DNAJC3: variants seen among roughly 807,000 people sequenced by gnomAD.
DNAJC3 encodes the protein dnaJ homolog subfamily C member 3.
In DNAJC3, 38 loss-of-function variants were observed where a neutral mutation model predicts 68.6. That is an observed-to-expected ratio of 0.55 (90% CI 0.43 to 0.73). DNAJC3 has a LOEUF of 0.73. Ranked by LOEUF, DNAJC3 falls within the 30% of genes least tolerant of loss-of-function variation. DNAJC3 has a pLI of 0.00. For missense variants in DNAJC3, 526 were observed against 591.9 expected (o/e 0.89, Z 1.16); for synonymous variants, 203 against 204.0 (o/e 1.00, Z 0.04).
chr13:95,757,622 T>C (rs1373767311), intron 4 of DNAJC3, 22 bp from the exon 5 acceptor site: 1 of 1,530,532 alleles, frequency 6.5e-7, no homozygotes, highest in Non-Finnish European at 8.9e-7. Flanking sequence ...AAACTCTGCT[T>C]AGTTTTTTAT....
At chr13:95,678,060 C>A (rs1425114861) in intron 1 of DNAJC3, among the ~76,000 whole-genome samples, 32 of 152,212 alleles carry the variant, frequency 2.1e-4, no homozygotes, top group Admixed American at 2.1e-3. Context: ...AATTTCACTT[C>A]AGTCCTGCAG....
At chr13:95,697,602 T>C (rs1880476932) in intron 1 of DNAJC3, among the ~76,000 whole-genome samples, 1 of 152,184 alleles carries the variant, frequency 6.6e-6, no homozygotes, top group Non-Finnish European at 1.5e-5. Context: ...TCCTCAAATA[T>C]GTTTTTTTAA....
At chr13:95,694,522 C>G (rs1321223512) in intron 1 of DNAJC3, 1 of 152,486 alleles carries the variant, frequency 6.6e-6, no homozygotes, top group African/African-American at 2.4e-5. Context: ...GTAACCATGA[C>G]TAATGATAGG....
At chr13:95,695,237 A>G (rs1478079483) in intron 1 of DNAJC3, 1 of 152,096 alleles carries the variant, frequency 6.6e-6, no homozygotes, top group East Asian at 1.9e-4. Flanking sequence ...TTCCACCCTT[A>G]CTATACAACC....
At chr13:95,784,726 A>G (rs970398363) in intron 9 of DNAJC3, among the ~76,000 whole-genome samples, 3 of 152,226 alleles carry the variant, frequency 2.0e-5, no homozygotes. Context: ...CAACCTTGTC[A>G]GCAAACTTTT....
chr13:95,731,186 G>C (rs1004100543), intron 4 of DNAJC3, among the ~76,000 whole-genome samples: 3 of 152,088 alleles, frequency 2.0e-5, no homozygotes, highest in African/African-American at 7.2e-5. Flanking sequence ...AAATAGTTCT[G>C]AGAGTTTATT....
chr13:95,776,343 C>A (rs571019963), intron 9 of DNAJC3, among the ~76,000 whole-genome samples: 1 of 152,064 alleles, frequency 6.6e-6, no homozygotes, highest in East Asian at 1.9e-4. Flanking sequence ...TAGAAGTTTT[C>A]TTTTTTCAGT....
At chr13:95,769,031 AATCTAT>A (rs760312448) in intron 9 of DNAJC3, among the ~76,000 whole-genome samples, 5 of 105,284 alleles carry the variant, frequency 4.7e-5, no homozygotes, top group Non-Finnish European at 7.8e-5. Flanking sequence ...ATCTATATCT[AATCTAT>A]ATCTATATCT....
Position 95,677,897 on chromosome 13 carries a change from A to G in DNAJC3, c.82+560A>G, listed in dbSNP as rs558101825. The stretch of plus-strand genomic sequence containing the variant: ...GTAGAGAAATTGTTAGTTTGGTGCA[A>G]TGAGGAGCCGCTGTTGGAATTCCAT... On this transcript the variant is annotated intron_variant, in intron 1 of 11. Coordinates refer to ENST00000602402, the MANE Select transcript of DNAJC3 (RefSeq NM_006260.5). 2.0e-5 allele frequency among the ~76,000 whole-genome samples: 3 copies of G among 152,042 alleles called. No individual in the cohort carries two copies. The South Asian group carries it at 6.2e-4, about 32-fold the overall frequency.
chr13:95,684,676 C>A (rs1880024059), intron 1 of DNAJC3, among the ~76,000 whole-genome samples: 1 of 152,232 alleles, frequency 6.6e-6, no homozygotes, highest in Non-Finnish European at 1.5e-5. Flanking sequence ...CTCCTTCTAT[C>A]ATAGGCCCAG....
At chr13:95,732,800 T>C (rs1437596891) in intron 4 of DNAJC3, among the ~76,000 whole-genome samples, 1 of 152,094 alleles carries the variant, frequency 6.6e-6, no homozygotes, top group Non-Finnish European at 1.5e-5. Flanking sequence ...TATGTGTTTA[T>C]TGCTACAAAG....
intron 4 of DNAJC3, among the ~76,000 whole-genome samples, chr13:95,752,365 TAA>T (rs1346925569): frequency 6.6e-6 from 1 of 152,232 alleles, no homozygotes; most frequent in Middle Eastern, 3.2e-3. Context: ...ATTTTATTAT[TAA>T]GAGTAGTATT....
chr13:95,790,236 ACT>A (rs1883725694), intron 11 of DNAJC3, among the ~76,000 whole-genome samples: 1 of 151,900 alleles, frequency 6.6e-6, no homozygotes, highest in African/African-American at 2.4e-5. Context: ...TTTTCTAATG[ACT>A]CTGAGGACAT....
chr13:95,716,529 A>AATCAG (rs1308510379), intron 2 of DNAJC3, among the ~76,000 whole-genome samples: 1 of 152,204 alleles, frequency 6.6e-6, no homozygotes, highest in Non-Finnish European at 1.5e-5. Flanking sequence ...GTACTGGAAG[A>AATCAG]ATCAGATCAT....
intron 9 of DNAJC3, among the ~76,000 whole-genome samples, chr13:95,766,794 C>T (rs946830299): frequency 4.0e-5 from 6 of 151,614 alleles, no homozygotes; most frequent in Admixed American, 6.6e-5. Context: ...TTCCGGGTCC[C>T]GGTTCAAGCA....
At chr13:95,754,594 C>G (rs1435527036) in intron 4 of DNAJC3, among the ~76,000 whole-genome samples, 2 of 151,782 alleles carry the variant, frequency 1.3e-5, no homozygotes, top group Admixed American at 1.3e-4. Context: ...CGCCTGTAAT[C>G]CCAGCACATT....
chr13:95,717,403 C>G lies in DNAJC3; in HGVS notation c.194-5839C>G, dbSNP rs193198114. On this transcript the variant is annotated intron_variant, in intron 2 of 11. Coordinates refer to ENST00000602402, the MANE Select transcript of DNAJC3 (RefSeq NM_006260.5). ...TAGACAAAAGGAAACAAAAAGTGCTCTAGCAACTTTCTGAAGGTGATATTC... is the reference window on the plus strand; with the variant it reads ...TAGACAAAAGGAAACAAAAAGTGCTGTAGCAACTTTCTGAAGGTGATATTC... 2.6e-4 allele frequency among the ~76,000 whole-genome samples: 40 copies of G among 152,324 alleles called. No individual in the cohort carries two copies. In the East Asian group the frequency reaches 7.3e-3, roughly 28 times the overall value.
chr13:95,773,480 T>A (rs1324613669), intron 9 of DNAJC3, among the ~76,000 whole-genome samples: 1 of 151,968 alleles, frequency 6.6e-6, no homozygotes, highest in Non-Finnish European at 1.5e-5. Context: ...CCTTATTTAG[T>A]TTTATTCAGT....
chr13:95,728,999 TCTAA>T (rs1881617008), intron 4 of DNAJC3, among the ~76,000 whole-genome samples: 1 of 152,084 alleles, frequency 6.6e-6, no homozygotes, highest in African/African-American at 2.4e-5. Context: ...CATCCTACTC[TCTAA>T]CTCTGTGAGA....
Sources: allele counts gnomAD v4.1 joint callset (sites outside exome capture counted in the v4.1 genomes callset), GRCh38; gene constraint gnomAD v4.1.1; transcripts MANE v1.5; gene names NCBI Gene and HGNC (gene_info 2026-07-23, HGNC 2026-07-21).